Variants in ZNF254 observed in about 807,000 individuals in gnomAD.
ZNF254 encodes zinc finger protein 254.
Under a neutral mutation model 12.4 loss-of-function variants are expected in ZNF254, and 10 were observed. The ratio of observed to expected loss-of-function variants is 0.80; its 90% CI spans 0.50 to 1.36. The LOEUF (loss-of-function observed/expected upper bound fraction) is 1.36. Ranked by LOEUF, ZNF254 falls within the 40% of genes most tolerant of loss-of-function variation. The probability of loss-of-function intolerance (pLI) is 0.00; values close to 1 mark genes in which losing one functional copy is unlikely to be tolerated. For synonymous variants in ZNF254, 305 were observed against 253.4 expected (o/e 1.20, Z -1.93); for missense variants, 996 against 763.9 (o/e 1.30, Z -3.58).
intron 1 of ZNF254, among the ~76,000 whole-genome samples, chr19:24,042,417 A>G (rs925371220): frequency 6.6e-6 from 1 of 152,184 alleles, no homozygotes; most frequent in Non-Finnish European, 1.5e-5. Context: ...CACACTGTGG[A>G]AACTTTGTTC....
chr19:24,091,860 A>G, intron 1 of ZNF254: 1 of 978,174 alleles, frequency 1.0e-6, no homozygotes, highest in South Asian at 4.7e-5. Flanking sequence ...GGTACCTCCT[A>G]GAAGTGTTCC....
At chr19:24,058,356 A>AT (rs1970939794) in intron 2 of ZNF254, among the ~76,000 whole-genome samples, 1 of 151,462 alleles carries the variant, frequency 6.6e-6, no homozygotes, top group East Asian at 1.9e-4. Flanking sequence ...ATTGGGACAT[A>AT]TCACTGGGCC....
intron 3 of ZNF254, among the ~76,000 whole-genome samples, chr19:24,124,005 GACTT>G (rs1164788959): frequency 2.0e-5 from 3 of 151,898 alleles, no homozygotes; most frequent in East Asian, 1.9e-4. Context: ...GAAATAGAAA[GACTT>G]ACTGTTATTT....
At chr19:24,104,367 A>G (rs944724745) in intron 1 of ZNF254, 1 of 152,404 alleles carries the variant, frequency 6.6e-6, no homozygotes. Flanking sequence ...TATTGTCAAG[A>G]TGCAGGTGTA....
chr19:24,100,755 A>C (rs1972972798), intron 1 of ZNF254, among the ~76,000 whole-genome samples: 1 of 151,354 alleles, frequency 6.6e-6, no homozygotes, highest in Non-Finnish European at 1.5e-5. Context: ...GGCATCTTGA[A>C]TATTTCTTCT....
At chr19:24,124,470 T>C (rs1350418833) in intron 3 of ZNF254, among the ~76,000 whole-genome samples, 1 of 152,184 alleles carries the variant, frequency 6.6e-6, no homozygotes, top group Non-Finnish European at 1.5e-5. Context: ...TCTGTGTTTT[T>C]ATTGGAATCA....
chr19:24,125,882 G>A (rs563663691), intron 3 of ZNF254, among the ~76,000 whole-genome samples: 1 of 152,286 alleles, frequency 6.6e-6, no homozygotes, highest in East Asian at 1.9e-4. Flanking sequence ...GATTGTGCCG[G>A]TATTTTACCT....
In ZNF254 at chr19:24,128,161, A is replaced by G. The variant is rs947822493; in HGVS notation, c.*181A>G. ...AAGAATGTGAAAAAGCCTTTAAATGATTGTCACACTTGATTGTAGGTAAGA... is the reference window on the plus strand; with the variant it reads ...AAGAATGTGAAAAAGCCTTTAAATGGTTGTCACACTTGATTGTAGGTAAGA... On this transcript the variant is annotated 3_prime_UTR_variant, in exon 4 of 4. Transcript: ENST00000357002. The G allele has an allele frequency of 1.5e-5, 9 of 600,502 alleles. No individual in the cohort carries two copies. The highest frequency in any genetic ancestry group is 2.3e-5 in the Non-Finnish European group (9 of 387,074). 37.2% of individuals were successfully genotyped at this position (600,502 alleles called of 1,614,324 possible).
intron 1 of ZNF254, among the ~76,000 whole-genome samples, chr19:24,090,522 C>T (rs981210393): frequency 6.6e-5 from 10 of 151,960 alleles, no homozygotes; most frequent in African/African-American, 2.2e-4. Context: ...CTGCAACCTC[C>T]AGATCTTGAG....
At chr19:24,034,156 C>G (rs1031513149) in intron 1 of ZNF254, among the ~76,000 whole-genome samples, 25 of 152,104 alleles carry the variant, frequency 1.6e-4, no homozygotes, top group Non-Finnish European at 2.8e-4. Flanking sequence ...GTGGTTTTGC[C>G]ATGGTGGAAG....
At chr19:24,091,771 G>C (rs1363150183) in intron 1 of ZNF254, 1 of 832,908 alleles carries the variant, frequency 1.2e-6, no homozygotes, top group Non-Finnish European at 1.4e-6. Flanking sequence ...GGGATTACAG[G>C]TGTGAGCCAC....
chr19:24,117,685 C>T (rs941440698), intron 3 of ZNF254, among the ~76,000 whole-genome samples: 6 of 152,036 alleles, frequency 3.9e-5, no homozygotes, highest in Non-Finnish European at 7.4e-5. Context: ...GGCTCTTCCA[C>T]GCTTTGCTGC....
upstream of ZNF254, chr19:24,087,161 C>A (rs2145628404): frequency 1.9e-6 from 2 of 1,048,970 alleles, no homozygotes; most frequent in East Asian, 2.6e-5. Context: ...CTGGACTGGA[C>A]AAAGCGGCTT....
intron 1 of ZNF254, among the ~76,000 whole-genome samples, chr19:24,043,078 A>G (rs112205064): frequency 0.01 from 1,550 of 152,234 alleles, 14 homozygotes; most frequent in Non-Finnish European, 0.015. Context: ...GACTGTAGAT[A>G]TCAGCTTTTG....
upstream of ZNF254, among the ~76,000 whole-genome samples, chr19:24,085,427 A>AT (rs1369362234): frequency 4.2e-4 from 18 of 42,454 alleles, 2 homozygotes; most frequent in African/African-American, 1.2e-3. Flanking sequence ...TATATATATA[A>AT]AAACTAAGAT....
At chr19:24,041,399 A>T (rs1040960935) in intron 1 of ZNF254, among the ~76,000 whole-genome samples, 7 of 152,188 alleles carry the variant, frequency 4.6e-5, no homozygotes, top group Admixed American at 4.6e-4. Flanking sequence ...GGTGGGCCCC[A>T]CACTCGGAGC....
intron 2 of ZNF254, among the ~76,000 whole-genome samples, chr19:24,060,936 G>A (rs1971041656): frequency 6.6e-6 from 1 of 152,100 alleles, no homozygotes. Flanking sequence ...ATATCCCTGA[G>A]CCCCTAATTT....
At chr19:24,076,527 C>G (rs1272446971) in intron 2 of ZNF254, among the ~76,000 whole-genome samples, 1 of 152,114 alleles carries the variant, frequency 6.6e-6, no homozygotes, top group African/African-American at 2.4e-5. Flanking sequence ...AATGCCTAAC[C>G]TGGGGTTGCA....
intron 3 of ZNF254, among the ~76,000 whole-genome samples, chr19:24,117,806 A>G (rs1373295157): frequency 6.6e-6 from 1 of 152,070 alleles, no homozygotes; most frequent in East Asian, 1.9e-4. Flanking sequence ...TGGGAGCTGT[A>G]GACCGGAGCT....
Sources: allele counts gnomAD v4.1 joint callset (sites outside exome capture counted in the v4.1 genomes callset), GRCh38; gene constraint gnomAD v4.1.1; transcripts MANE v1.5; gene names NCBI Gene and HGNC (gene_info 2026-07-23, HGNC 2026-07-21).